Variants in PTPRJ observed in about 807,000 individuals in gnomAD.
PTPRJ encodes protein tyrosine phosphatase receptor type J.
PTPRJ carries 129 observed loss-of-function variants against 141.3 expected under a neutral mutation model. That is an observed-to-expected ratio of 0.91 (90% CI 0.79 to 1.06). The LOEUF is 1.06. PTPRJ is among the 50% of genes least tolerant of loss of function. The pLI, the probability that PTPRJ is intolerant of heterozygous loss-of-function variation, is 0.00. For synonymous variants in PTPRJ, 610 were observed against 640.5 expected (o/e 0.95, Z 0.72); for missense variants, 1,601 against 1,679.7 (o/e 0.95, Z 0.82).
chr11:48,037,612 G>A (rs1854161317), intron 1 of PTPRJ, among the ~76,000 whole-genome samples: 1 of 152,156 alleles, frequency 6.6e-6, no homozygotes, highest in Non-Finnish European at 1.5e-5. Context: ...AGGAGTTCGA[G>A]ACCAGCCTGG....
In PTPRJ at chr11:48,131,051, CAT is replaced by C. The variant is rs1260358599; in HGVS notation, c.1615+354_1615+355del. ...TTTAATACACACACACACACACACACATATATATATATATATATATTTTTTTT... is the reference window on the plus strand; with the variant it reads ...TTTAATACACACACACACACACACACATATATATATATATATATTTTTTTT... On this transcript the variant is annotated intron_variant, in intron 8 of 24. Transcript: ENST00000418331. Among the ~76,000 whole-genome samples the C allele has an allele frequency of 6.4e-3, 714 of 112,062 alleles. 19 individuals are homozygous for C. Among genetic ancestry groups the C allele is most frequent in the African/African-American group, 0.01 (262 of 25,038 alleles). 73.5% of individuals were successfully genotyped at this position (112,062 alleles called of 152,430 possible). A position where few individuals can be genotyped will look rare whatever the true frequency, so the allele number is the denominator to read the frequency against.
intron 1 of PTPRJ, among the ~76,000 whole-genome samples, chr11:48,057,723 A>G (rs1385983421): frequency 6.6e-6 from 1 of 152,104 alleles, no homozygotes; most frequent in African/African-American, 2.4e-5. Context: ...TTCCTTTTGG[A>G]AGCCAGACGT....
intron 1 of PTPRJ, among the ~76,000 whole-genome samples, chr11:48,059,110 CTTTTTTTTTTTTT>C (rs917350262): frequency 3.9e-5 from 4 of 102,160 alleles, no homozygotes; most frequent in Non-Finnish European, 7.7e-5. Context: ...TGTGCTGTGC[CTTTTTTTTTTTTT>C]TTTTTTTTTT....
chr11:48,024,085 A>G (rs112459291), intron 1 of PTPRJ, among the ~76,000 whole-genome samples: 4 of 151,892 alleles, frequency 2.6e-5, no homozygotes, highest in African/African-American at 9.7e-5. Flanking sequence ...CTGTATTCAC[A>G]TTCCTCCCAC....
At chr11:48,025,882 A>G (rs1169134348) in intron 1 of PTPRJ, among the ~76,000 whole-genome samples, 1 of 152,174 alleles carries the variant, frequency 6.6e-6, no homozygotes, top group Non-Finnish European at 1.5e-5. Flanking sequence ...GGTGTTCCCA[A>G]GACATGCTGC....
chr11:47,984,468 G>A (rs1853993521), intron 1 of PTPRJ, among the ~76,000 whole-genome samples: 1 of 152,158 alleles, frequency 6.6e-6, no homozygotes. Flanking sequence ...GTAACATTAT[G>A]CATGACAGGC....
At chr11:48,106,337 C>G (rs1186702088) in intron 1 of PTPRJ, among the ~76,000 whole-genome samples, 3 of 152,154 alleles carry the variant, frequency 2.0e-5, no homozygotes, top group Non-Finnish European at 4.4e-5. Flanking sequence ...ATGTGTGCAC[C>G]TGGAGCTTCA....
chr11:48,033,034 A>G (rs534026712), intron 1 of PTPRJ, among the ~76,000 whole-genome samples: 2 of 151,986 alleles, frequency 1.3e-5, no homozygotes, highest in South Asian at 2.1e-4. Context: ...CTTGGGCAAC[A>G]TAGTGAGACT....
Position 48,160,198 on chromosome 11 carries a change from T to G in PTPRJ, c.3558+149T>G, listed in dbSNP as rs925134222. On this transcript the variant is annotated intron_variant, in intron 22 of 24. Transcript: ENST00000418331. Reference sequence around the variant, plus strand: ...TCCTTTCAGAACAGAACAATCCATATGCATGTATACTCCAAGGCAACCCCT... The same window carrying G: ...TCCTTTCAGAACAGAACAATCCATAGGCATGTATACTCCAAGGCAACCCCT... 13 of 1,119,128 alleles carry G rather than the reference T, an allele frequency of 1.2e-5. No homozygotes were observed. In the Admixed American group the frequency reaches 1.8e-4, roughly 15 times the overall value. 69.3% of individuals were successfully genotyped at this position (1,119,128 alleles called of 1,614,324 possible). A position where few individuals can be genotyped will look rare whatever the true frequency, so the allele number is the denominator to read the frequency against.
chr11:48,070,605 A>C (rs1207760256), intron 1 of PTPRJ, among the ~76,000 whole-genome samples: 1 of 151,890 alleles, frequency 6.6e-6, no homozygotes, highest in Non-Finnish European at 1.5e-5. Context: ...TGGGTGGAGT[A>C]GTACTCACAC....
At chr11:48,003,495 A>C (rs979720223) in intron 1 of PTPRJ, among the ~76,000 whole-genome samples, 1 of 151,892 alleles carries the variant, frequency 6.6e-6, no homozygotes, top group African/African-American at 2.4e-5. Flanking sequence ...TTTTAAATTT[A>C]TTTATTGAGT....
chr11:48,077,039 G>A (rs111642607), intron 1 of PTPRJ, among the ~76,000 whole-genome samples: 2,334 of 152,164 alleles, frequency 0.015, 60 homozygotes, highest in African/African-American at 0.054. Context: ...GGCTAATTTT[G>A]TATTTTAGTA....
chr11:48,166,292 C>T (rs1223204673), intron 24 of PTPRJ, among the ~76,000 whole-genome samples: 1 of 151,906 alleles, frequency 6.6e-6, no homozygotes, highest in Admixed American at 6.6e-5. Context: ...CACACACGCA[C>T]ACACAGTACT....
At chr11:48,164,785 C>G (rs1364650775) in intron 24 of PTPRJ, among the ~76,000 whole-genome samples, 1 of 151,654 alleles carries the variant, frequency 6.6e-6, no homozygotes, top group African/African-American at 2.4e-5. Flanking sequence ...AGGCTGGTCT[C>G]GAACTCCTGA....
chr11:48,107,067 C>T (rs1379964880), intron 1 of PTPRJ, among the ~76,000 whole-genome samples: 3 of 152,022 alleles, frequency 2.0e-5, no homozygotes, highest in Non-Finnish European at 4.4e-5. Flanking sequence ...CTGCTCCCGG[C>T]CTTAGTTTTT....
At chr11:48,095,929 A>G (rs1855993033) in intron 1 of PTPRJ, among the ~76,000 whole-genome samples, 1 of 152,206 alleles carries the variant, frequency 6.6e-6, no homozygotes, top group Admixed American at 6.5e-5. Flanking sequence ...TTCCTGCCAC[A>G]GCCGTGGTTG....
chr11:48,035,037 C>T (rs1430298717), intron 1 of PTPRJ, among the ~76,000 whole-genome samples: 4 of 152,162 alleles, frequency 2.6e-5, no homozygotes, highest in African/African-American at 4.8e-5. Context: ...GTCTGGCTTC[C>T]GAATCCTGCT....
At chr11:48,033,610 G>A (rs1854045118) in intron 1 of PTPRJ, among the ~76,000 whole-genome samples, 1 of 152,158 alleles carries the variant, frequency 6.6e-6, no homozygotes, top group African/African-American at 2.4e-5. Context: ...GCTATGGGAT[G>A]GATTAACTGT....
intron 1 of PTPRJ, among the ~76,000 whole-genome samples, chr11:48,070,004 A>G (rs1234812868): frequency 6.6e-6 from 1 of 152,222 alleles, no homozygotes; most frequent in Non-Finnish European, 1.5e-5. Flanking sequence ...ATCCCAAAAT[A>G]TAATGAACAA....
Sources: allele counts gnomAD v4.1 joint callset (sites outside exome capture counted in the v4.1 genomes callset), GRCh38; gene constraint gnomAD v4.1.1; transcripts MANE v1.5; gene names NCBI Gene and HGNC (gene_info 2026-07-23, HGNC 2026-07-21).